Variants in GTF2E1 observed in about 807,000 individuals in gnomAD.
The protein encoded by GTF2E1 is TFIIE alpha subunit.
A neutral mutation model predicts 34.9 loss-of-function variants in GTF2E1; 14 were observed. The ratio of observed to expected loss-of-function variants is 0.40; its 90% CI spans 0.27 to 0.63. The LOEUF is 0.63. Ranked by LOEUF, GTF2E1 falls within the 20% of genes least tolerant of loss-of-function variation. GTF2E1 has a pLI of 0.39. For missense variants in GTF2E1, 469 were observed against 557.7 expected (o/e 0.84, Z 1.60); for synonymous variants, 188 against 192.9 (o/e 0.97, Z 0.21).
chr3:120,765,789 A>C (rs1172162822), intron 2 of GTF2E1, among the ~76,000 whole-genome samples: 1 of 152,182 alleles, frequency 6.6e-6, no homozygotes, highest in Non-Finnish European at 1.5e-5. Flanking sequence ...TTCTGAGTAT[A>C]GCTTATCAAA....
intron 4 of GTF2E1, among the ~76,000 whole-genome samples, chr3:120,780,124 C>T (rs188683196): frequency 3.9e-5 from 6 of 152,266 alleles, no homozygotes; most frequent in Admixed American, 2.0e-4. Flanking sequence ...CACATTTATT[C>T]ACTCATTTGT....
Position 120,776,675 on chromosome 3 carries a change from AAGTC to A in GTF2E1, c.892+15_892+18del. On this transcript the variant is annotated intron_variant, in intron 4 of 4. Coordinates refer to ENST00000283875, the MANE Select transcript of GTF2E1 (RefSeq NM_005513.3). ...AAGATATGAAAGAAGGTAAGAGTAGAAGTCAGTAAAATGGATGTGTCTTAGGTTC... is the reference window on the plus strand; with the variant it reads ...AAGATATGAAAGAAGGTAAGAGTAGAAGTAAAATGGATGTGTCTTAGGTTC... 6.2e-7 allele frequency: 1 copy of A among 1,608,082 alleles called. No homozygotes were observed. The highest frequency in any genetic ancestry group is 8.5e-7 in the Non-Finnish European group (1 of 1,177,690).
chr3:120,781,466 A>T lies in GTF2E1; in HGVS notation c.1316A>T (p.Glu439Val). ...MGQRMFEDLF[E>V] ...CAACGCATGTTTGAGGACCTCTTTGAGTGAGCTTTCCCTAATTCTTTCTCC... is the reference window on the plus strand; with the variant it reads ...CAACGCATGTTTGAGGACCTCTTTGTGTGAGCTTTCCCTAATTCTTTCTCC... The change falls in exon 5 of 5, where the codon GAG becomes GTG. Residue 439 changes from glutamate to valine, a missense_variant. Physicochemically the swap from Glu to Val is moderately radical, Grantham distance 121. Transcript: ENST00000283875. 3 of 1,608,594 alleles carry T rather than the reference A, an allele frequency of 1.9e-6. No homozygotes were observed. Among genetic ancestry groups the T allele is most frequent in the Non-Finnish European group, 2.6e-6 (3 of 1,175,246 alleles).
chr3:120,770,736 C>T lies in GTF2E1; in HGVS notation c.457C>T (p.Arg153Cys), dbSNP rs763768180. 5.1e-5 allele frequency: 83 copies of T among 1,612,280 alleles called. No homozygotes were observed. The highest frequency in any genetic ancestry group is 1.3e-4 in the South Asian group (12 of 91,052). Residue 153 changes from arginine to cysteine, a missense_variant, in exon 3 of 5, where the codon CGC (arginine) becomes TGC (cysteine). Arg to Cys is a radical substitution (Grantham distance 180). Transcript: ENST00000283875. Reference sequence around the variant, plus strand: ...ACTTGTTTTCTCTGTAGGAACTTTCCGCTGTACTTTTTGCCATACAGAGGT... The same window carrying T: ...ACTTGTTTTCTCTGTAGGAACTTTCTGCTGTACTTTTTGCCATACAGAGGT... ...QLFDPMTGTFRCTFCHTEVEE... is the reference protein window; with the variant it reads ...QLFDPMTGTFCCTFCHTEVEE...
intron 2 of GTF2E1, among the ~76,000 whole-genome samples, chr3:120,751,252 T>A (rs947570896): frequency 3.3e-5 from 5 of 152,158 alleles, no homozygotes; most frequent in Admixed American, 1.3e-4. Context: ...CACCCCACCT[T>A]GTTTACAACT....
chr3:120,746,630 C>G (rs1235024205), intron 1 of GTF2E1, among the ~76,000 whole-genome samples: 1 of 152,092 alleles, frequency 6.6e-6, no homozygotes, highest in Non-Finnish European at 1.5e-5. Context: ...GAAACCCTGT[C>G]ACTACAAAAA....
rs754462901 is a variant in GTF2E1 at position 120,750,505 on chromosome 3, G to T, written c.-30-18G>T. On this transcript the variant is annotated intron_variant, in intron 1 of 4. Coordinates refer to ENST00000283875, the MANE Select transcript of GTF2E1 (RefSeq NM_005513.3). ...TGTTCTTATACCTGGCTAATTTTCTGTTTTTTTTTGAATTCAGTATATTTA... is the reference window on the plus strand; with the variant it reads ...TGTTCTTATACCTGGCTAATTTTCTTTTTTTTTTTGAATTCAGTATATTTA... 1 of 1,436,050 alleles carries T rather than the reference G, an allele frequency of 7.0e-7. No homozygotes were observed. The highest frequency in any genetic ancestry group is 9.6e-7 in the Non-Finnish European group (1 of 1,040,732). The allele number at this position is 1,436,050 out of a possible 1,614,324, so 89.0% of individuals were successfully genotyped here. A position where few individuals can be genotyped will look rare whatever the true frequency, so the allele number is the denominator to read the frequency against.
chr3:120,762,767 A>G lies in GTF2E1; in HGVS notation c.449-7961A>G, dbSNP rs147348677. ...ACTGTTACCTTGGGCAAATCCTGTA[A>G]CCATTCTTGGCCTTCTTTTAGCATG... is the stretch of plus-strand genomic sequence containing the variant. On this transcript the variant is annotated intron_variant, in intron 2 of 4. Transcript: ENST00000283875. 3.8e-3 allele frequency among the ~76,000 whole-genome samples: 581 copies of G among 152,188 alleles called. 2 individuals carry two copies. The highest frequency in any genetic ancestry group is 0.013 in the African/African-American group (546 of 41,506).
intron 1 of GTF2E1, among the ~76,000 whole-genome samples, chr3:120,747,476 C>T (rs778567923): frequency 8.5e-5 from 13 of 152,144 alleles, no homozygotes; most frequent in Admixed American, 2.0e-4. Context: ...CAATTCCCAC[C>T]TATGAGTGAG....
At chr3:120,750,259 G>T (rs1004197092) in intron 1 of GTF2E1, among the ~76,000 whole-genome samples, 2 of 152,116 alleles carry the variant, frequency 1.3e-5, no homozygotes, top group Non-Finnish European at 2.9e-5. Context: ...TAGACTTGAC[G>T]TAATATATTG....
At chr3:120,761,289 A>G (rs1055152610) in intron 2 of GTF2E1, among the ~76,000 whole-genome samples, 42 of 151,718 alleles carry the variant, frequency 2.8e-4, no homozygotes, top group Middle Eastern at 6.8e-3. Flanking sequence ...TTTTTATTGC[A>G]TCTATTTGAT....
intron 3 of GTF2E1, among the ~76,000 whole-genome samples, chr3:120,771,376 A>C (rs1432742557): frequency 2.0e-5 from 3 of 152,154 alleles, no homozygotes; most frequent in African/African-American, 7.2e-5. Context: ...CCTTGAAAGT[A>C]AAGTATAGCT....
chr3:120,768,807 AACATTCT>A (rs1419756512), intron 2 of GTF2E1, among the ~76,000 whole-genome samples: 4 of 152,206 alleles, frequency 2.6e-5, no homozygotes, highest in African/African-American at 9.6e-5. Context: ...AATATAAGAT[AACATTCT>A]ACCTAAAACC....
At chr3:120,745,583 A>G (rs771298036) in intron 1 of GTF2E1, among the ~76,000 whole-genome samples, 2 of 152,182 alleles carry the variant, frequency 1.3e-5, no homozygotes, top group African/African-American at 2.4e-5. Flanking sequence ...AACGTTCCCT[A>G]GATGATTCTG....
At chr3:120,769,672 T>C (rs1279349234) in intron 2 of GTF2E1, among the ~76,000 whole-genome samples, 1 of 152,164 alleles carries the variant, frequency 6.6e-6, no homozygotes, top group East Asian at 1.9e-4. Context: ...CAGACGCAAT[T>C]CCACAGTGGC....
chr3:120,767,934 G>A (rs1709322642), intron 2 of GTF2E1, among the ~76,000 whole-genome samples: 1 of 143,598 alleles, frequency 7.0e-6, no homozygotes, highest in African/African-American at 2.4e-5. Context: ...TATTAGTGTT[G>A]TTCTCTTTCT....
chr3:120,748,170 G>A lies in GTF2E1; in HGVS notation c.-30-2353G>A, dbSNP rs1294911181. On this transcript the variant is annotated intron_variant, in intron 1 of 4. Coordinates refer to ENST00000283875, the MANE Select transcript of GTF2E1 (RefSeq NM_005513.3). ...TATTAGCCCTTTGTCAGATGAAAAG[G>A]TTGCAAAAATTTTCTCCCATTCTGT... is the stretch of plus-strand genomic sequence containing the variant. Among the ~76,000 whole-genome samples the A allele has an allele frequency of 7.6e-4, 115 of 152,074 alleles. 1 individual carries two copies. Among genetic ancestry groups the A allele is most frequent in the African/African-American group, 2.7e-3 (111 of 41,470 alleles).
chr3:120,780,729 C>T (rs534567030), intron 4 of GTF2E1, among the ~76,000 whole-genome samples: 1 of 152,262 alleles, frequency 6.6e-6, no homozygotes, highest in South Asian at 2.1e-4. Context: ...ATGCTTTTAT[C>T]ACCTCATTTT....
chr3:120,757,888 G>A (rs1709222391), intron 2 of GTF2E1, among the ~76,000 whole-genome samples: 1 of 152,198 alleles, frequency 6.6e-6, no homozygotes, highest in Non-Finnish European at 1.5e-5. Context: ...ATGGCTGGGA[G>A]CGATAGCTCA....
Sources: allele counts gnomAD v4.1 joint callset (sites outside exome capture counted in the v4.1 genomes callset), GRCh38; gene constraint gnomAD v4.1.1; transcripts MANE v1.5; gene names NCBI Gene and HGNC (gene_info 2026-07-23, HGNC 2026-07-21).